TBXAS1: variants seen among roughly 807,000 people sequenced by gnomAD.
The protein encoded by TBXAS1 is thromboxane-A synthase.
TBXAS1 carries 48 observed loss-of-function variants against 60.7 expected under a neutral mutation model. The observed-to-expected ratio is 0.79, with a 90% CI of 0.63 to 1.01. TBXAS1 has a LOEUF of 1.01. Among genes scored for constraint, TBXAS1 ranks in the 50% least tolerant of loss-of-function variants. The probability of loss-of-function intolerance (pLI) is 0.00; values close to 1 mark genes in which losing one functional copy is unlikely to be tolerated. For synonymous variants in TBXAS1, 287 were observed against 269.7 expected, an observed-to-expected ratio of 1.06 and a Z score of -0.63; for missense variants, 685 against 686.3, an observed-to-expected ratio of 1.00 and a Z score of 0.02.
intron 3 of TBXAS1, among the ~76,000 whole-genome samples, chr7:139,878,108 T>TGTGA (rs1554480826): frequency 1.2e-4 from 18 of 146,938 alleles, no homozygotes; most frequent in East Asian, 2.0e-4. Flanking sequence ...TGTGTGTGTG[T>TGTGA]GAGAGAGAGA....
Position 139,872,353 on chromosome 7 carries a change from C to G in TBXAS1, c.183+25C>G, listed in dbSNP as rs368357801. ...GGTAAGGGCTGTCTTCCATTGGCTTCCATCATAAAATATGCTGAGGGCCAG... is the reference window on the plus strand; with the variant it reads ...GGTAAGGGCTGTCTTCCATTGGCTTGCATCATAAAATATGCTGAGGGCCAG... On this transcript the variant is annotated intron_variant, in intron 2 of 12. Coordinates refer to ENST00000448866, the MANE Select transcript of TBXAS1 (RefSeq NM_001061.7). The G allele has an allele frequency of 2.5e-6, 4 of 1,607,448 alleles. No homozygotes were observed. The African/African-American group carries it at 5.3e-5, about 21-fold the overall frequency.
intron 1 of TBXAS1, among the ~76,000 whole-genome samples, chr7:139,860,630 G>GACTGGAAGCAGA (rs1380319678): frequency 2.6e-5 from 4 of 152,308 alleles, no homozygotes; most frequent in Admixed American, 2.0e-4. Flanking sequence ...GCAGTGTGAG[G>GACTGGAAGCAGA]ACTGGAAGCA....
chr7:139,991,034 A>G (rs1403360687), intron 9 of TBXAS1, among the ~76,000 whole-genome samples: 3 of 152,202 alleles, frequency 2.0e-5, no homozygotes, highest in Non-Finnish European at 4.4e-5. Flanking sequence ...AATTGCCGCA[A>G]TTAACACGTG....
chr7:140,013,156 G>GTT lies in TBXAS1; in HGVS notation c.1227-2567_1227-2566insTT, dbSNP rs1814750822. Among the ~76,000 whole-genome samples the GTT allele has an allele frequency of 6.6e-6, 1 of 152,090 alleles. No individual in the cohort carries two copies. The highest frequency in any genetic ancestry group is 1.5e-5 in the Non-Finnish European group (1 of 68,008). On this transcript the variant is annotated intron_variant, in intron 10 of 12. Coordinates refer to ENST00000448866, the MANE Select transcript of TBXAS1 (RefSeq NM_001061.7). This position sits in a 1 kb window ranked among gnomAD's most constrained non-coding sequence, Gnocchi z 4.2. ...ATTTAGGAATGAGTGAATACAGGTA[G>GTT]GTGAGTTGAAGGGAGTTCTGACAGG...
intron 10 of TBXAS1, among the ~76,000 whole-genome samples, chr7:140,011,276 C>CAAAAA (rs796088893): frequency 6.2e-5 from 2 of 32,202 alleles, no homozygotes; most frequent in African/African-American, 2.1e-4. Flanking sequence ...GACTCTGTCT[C>CAAAAA]AAAAAAAACA....
At chr7:139,858,276 T>C (rs1367784715) in intron 1 of TBXAS1, among the ~76,000 whole-genome samples, 1 of 152,198 alleles carries the variant, frequency 6.6e-6, no homozygotes, top group Non-Finnish European at 1.5e-5. Context: ...ACACCTCTGT[T>C]CTCAGTTTAA....
chr7:139,923,176 A>ATATATATATATATATATATATAT (rs1554490812), intron 4 of TBXAS1, among the ~76,000 whole-genome samples: 2 of 152,006 alleles, frequency 1.3e-5, no homozygotes, highest in Admixed American at 6.6e-5. Flanking sequence ...ATATATATAT[A>ATATATATATATATATATATATAT]ATTAGCCAGG....
At chr7:139,966,107 G>A (rs1011376993) in intron 9 of TBXAS1, among the ~76,000 whole-genome samples, 5 of 152,150 alleles carry the variant, frequency 3.3e-5, no homozygotes, top group African/African-American at 7.2e-5. Context: ...CCAGCCCTAC[G>A]CACGAGGGTG....
intron 3 of TBXAS1, 40 bp downstream of exon 3, chr7:139,875,677 T>G (rs775040486): frequency 6.2e-7 from 1 of 1,608,428 alleles, no homozygotes; most frequent in Non-Finnish European, 8.5e-7. Context: ...GTACGATATT[T>G]TCTATTATGT....
In TBXAS1 at chr7:139,970,022, C is replaced by T. The variant is rs1811077809; in HGVS notation, c.1134+7789C>T. Among the ~76,000 whole-genome samples the T allele has an allele frequency of 1.3e-5, 2 of 152,204 alleles. 1 individual carries two copies. The highest frequency in any genetic ancestry group is 4.1e-4 in the South Asian group (2 of 4,832). Reference sequence around the variant, plus strand: ...AGGGCATCACAAAGTTTAACGTGCACGGGAATCACCTGGGAGTCACTAAAT... The same window carrying T: ...AGGGCATCACAAAGTTTAACGTGCATGGGAATCACCTGGGAGTCACTAAAT... On this transcript the variant is annotated intron_variant, in intron 9 of 12. Coordinates refer to ENST00000448866, the MANE Select transcript of TBXAS1 (RefSeq NM_001061.7).
At chr7:139,894,074 C>T (rs1353350877) in intron 3 of TBXAS1, among the ~76,000 whole-genome samples, 1 of 152,128 alleles carries the variant, frequency 6.6e-6, no homozygotes. Flanking sequence ...TTCCAGAAAG[C>T]GTGGAGAATA....
At chr7:139,997,215 A>G (rs1813360907) in intron 9 of TBXAS1, among the ~76,000 whole-genome samples, 1 of 152,098 alleles carries the variant, frequency 6.6e-6, no homozygotes, top group African/African-American at 2.4e-5. Context: ...GAGTAAATAG[A>G]GGGAACCAGG....
chr7:139,892,364 G>A (rs896619655), intron 3 of TBXAS1, among the ~76,000 whole-genome samples: 2 of 152,106 alleles, frequency 1.3e-5, no homozygotes, highest in Admixed American at 6.5e-5. Context: ...AGGCCGAGGC[G>A]GGTGGATCAT....
At chr7:139,842,802 T>A (rs1377789387) in intron 1 of TBXAS1, among the ~76,000 whole-genome samples, 1 of 152,246 alleles carries the variant, frequency 6.6e-6, no homozygotes, top group Non-Finnish European at 1.5e-5. Context: ...CTCCCCTATG[T>A]CCTTGCAAAG....
chr7:139,816,449 T>A (rs1798150148), intron 4 of TBXAS1, among the ~76,000 whole-genome samples: 1 of 152,174 alleles, frequency 6.6e-6, no homozygotes, highest in Admixed American at 6.5e-5. Flanking sequence ...AGAGGTGCCA[T>A]CTTTGAATCT....
intron 9 of TBXAS1, among the ~76,000 whole-genome samples, chr7:139,971,378 T>G (rs1811181115): frequency 6.6e-6 from 1 of 152,160 alleles, no homozygotes; most frequent in Admixed American, 6.5e-5. Flanking sequence ...GGGACTTCTG[T>G]GCCCCATCAG....
intron 9 of TBXAS1, among the ~76,000 whole-genome samples, chr7:139,973,431 T>C (rs916548155): frequency 6.6e-6 from 1 of 152,122 alleles, no homozygotes; most frequent in African/African-American, 2.4e-5. Flanking sequence ...AAAATGAGTC[T>C]AGAATAAGGG....
chr7:139,889,965 G>GGAGA (rs1333817003), intron 3 of TBXAS1, among the ~76,000 whole-genome samples: 2 of 152,174 alleles, frequency 1.3e-5, no homozygotes, highest in African/African-American at 4.8e-5. Context: ...GCATTAGGAA[G>GGAGA]GAGAGAGGAA....
Position 139,953,437 on chromosome 7 carries a change from G to T in TBXAS1, c.520G>T (p.Asp174Tyr). Residue 174 changes from aspartate to tyrosine, a missense_variant, in exon 6 of 13, where the codon GAC (aspartate) becomes TAC (tyrosine). By Grantham distance (160) the Asp-to-Tyr change is radical. Transcript: ENST00000448866. ...TTTAAAACGCTATGCGGAATCTGGG[G>T]ACGCATTTGACATCCAGAGGTAAGG... ...AHLKRYAESG[D>Y]AFDIQRCYCN... 1 of 1,614,188 alleles carries T rather than the reference G, an allele frequency of 6.2e-7. No individual in the cohort carries two copies. The highest frequency in any genetic ancestry group is 1.7e-5 in the Admixed American group (1 of 60,030).
Sources: gnomAD v4.1 joint callset for allele counts (sites outside exome capture counted in the v4.1 genomes callset) on GRCh38, gnomAD v4.1.1 for gene constraint, Gnocchi (gnomAD v3.1) non-coding constraint, MANE v1.5 for transcripts, NCBI Gene and HGNC (gene_info 2026-07-23, HGNC 2026-07-21) for gene names.